VOPP1: variants seen among roughly 807,000 people sequenced by gnomAD.
VOPP1 encodes the protein WW domain binding protein VOPP1.
Under a neutral mutation model 23.5 loss-of-function variants are expected in VOPP1, and 8 were observed. That is an observed-to-expected ratio of 0.34 (90% CI 0.20 to 0.61). The LOEUF (loss-of-function observed/expected upper bound fraction) is 0.61, where lower values mean the gene tolerates loss of function less well. VOPP1 is among the 20% of genes least tolerant of loss of function. The pLI, the probability that VOPP1 is intolerant of heterozygous loss-of-function variation, is 0.78. For missense variants in VOPP1, 174 were observed against 238.1 expected (o/e 0.73, Z 1.77); for synonymous variants, 83 against 97.3 (o/e 0.85, Z 0.86).
chr7:55,468,370 C>T (rs1178344939), downstream of VOPP1, among the ~76,000 whole-genome samples: 2 of 148,468 alleles, frequency 1.3e-5, no homozygotes, highest in Non-Finnish European at 3.0e-5. Flanking sequence ...GCCCACAGCT[C>T]CCTCTTCCCC....
At chr7:55,485,071 G>C (rs1041415637) in intron 4 of VOPP1, among the ~76,000 whole-genome samples, 3 of 152,130 alleles carry the variant, frequency 2.0e-5, no homozygotes, top group African/African-American at 7.2e-5. Flanking sequence ...TGTTTTTTTA[G>C]GATTAGCCCT....
chr7:55,521,311 T>G (rs2129041527), intron 1 of VOPP1, among the ~76,000 whole-genome samples, 181 bp from the exon 2 acceptor site: 1 of 152,358 alleles, frequency 6.6e-6, no homozygotes, highest in African/African-American at 2.4e-5. Flanking sequence ...TTCTATTTCT[T>G]TAAAACATCT....
intron 1 of VOPP1, among the ~76,000 whole-genome samples, chr7:55,551,766 G>A (rs903959246): frequency 5.9e-5 from 9 of 152,082 alleles, no homozygotes; most frequent in African/African-American, 7.2e-5. Context: ...AAGGCTGGGC[G>A]GGGTGGCTCA....
chr7:55,505,198 C>T (rs1037804783), intron 2 of VOPP1, among the ~76,000 whole-genome samples: 1 of 152,192 alleles, frequency 6.6e-6, no homozygotes, highest in Non-Finnish European at 1.5e-5. Flanking sequence ...TTTGCTCCTC[C>T]TCTCTGTGAC....
At chr7:55,447,670 C>T (rs815945) in intron 4 of VOPP1, among the ~76,000 whole-genome samples, 49,099 of 152,032 alleles carry the variant, frequency 0.32, 8,529 homozygotes, top group East Asian at 0.54. Flanking sequence ...TATAAATATA[C>T]GTGTACATAT....
At chr7:55,441,749 C>T (rs974142670) in intron 4 of VOPP1, among the ~76,000 whole-genome samples, 29 of 152,172 alleles carry the variant, frequency 1.9e-4, no homozygotes, top group Admixed American at 1.8e-3. Flanking sequence ...TTCTTTCTGC[C>T]AGACCTGCCC....
At chr7:55,512,594 C>T (rs1356517950) in intron 2 of VOPP1, among the ~76,000 whole-genome samples, 1 of 152,188 alleles carries the variant, frequency 6.6e-6, no homozygotes, top group African/African-American at 2.4e-5. Context: ...AGAAATTCTG[C>T]TCTTGAATAT....
At position 55,572,409 on chromosome 7, in the gene VOPP1, A is replaced by G. The variant is rs927075173; in HGVS notation, c.-85T>C. 141 of 1,008,300 alleles carry G rather than the reference A, an allele frequency of 1.4e-4. 1 individual carries two copies. In the African/African-American group the frequency reaches 2.2e-3, roughly 16 times the overall value. The allele number at this position is 1,008,300 out of a possible 1,614,324, so 62.5% of individuals were successfully genotyped here. ...CGGCCCCCGCGCGGGGCGGGCGGGC[A>G]GACTGCAGCCGGGAGCCGTCCCGCC... On this transcript the variant is annotated 5_prime_UTR_variant, in exon 1 of 5. Transcript: ENST00000285279.
chr7:55,503,246 T>A (rs1481053547), intron 2 of VOPP1, among the ~76,000 whole-genome samples: 3 of 152,204 alleles, frequency 2.0e-5, no homozygotes, highest in African/African-American at 7.2e-5. Context: ...AAAGGAAATG[T>A]ATGTCTGAGA....
At chr7:55,448,833 C>T (rs1464231008) in intron 4 of VOPP1, among the ~76,000 whole-genome samples, 1 of 152,270 alleles carries the variant, frequency 6.6e-6, no homozygotes, top group Non-Finnish European at 1.5e-5. Context: ...ATTGCCACCG[C>T]AGCCACGCGC....
rs1791974549 is a variant in VOPP1 at position 55,473,239 on chromosome 7, C to T, written c.329-194G>A. On this transcript the variant is annotated intron_variant, in intron 4 of 4. Coordinates refer to ENST00000285279, the MANE Select transcript of VOPP1 (RefSeq NM_030796.5). ...CACAATAGGCAGGTCCCTGCCCTCTCGGGGCTTTGATTCTACTGGACTACA... is the reference window on the plus strand; with the variant it reads ...CACAATAGGCAGGTCCCTGCCCTCTTGGGGCTTTGATTCTACTGGACTACA... 1.3e-5 allele frequency among the ~76,000 whole-genome samples: 2 copies of T among 152,292 alleles called. 1 individual carries two copies. Among genetic ancestry groups the T allele is most frequent in the Middle Eastern group, 6.8e-3 (2 of 294 alleles).
chr7:55,566,064 G>A (rs1337271971), intron 1 of VOPP1, among the ~76,000 whole-genome samples: 1 of 152,168 alleles, frequency 6.6e-6, no homozygotes, highest in Non-Finnish European at 1.5e-5. Context: ...AGGTGCAGCA[G>A]CTCATGAAGC....
intron 1 of VOPP1, among the ~76,000 whole-genome samples, chr7:55,548,382 G>A (rs76476993): frequency 0.013 from 1,912 of 152,320 alleles, 19 homozygotes; most frequent in Non-Finnish European, 0.019. Flanking sequence ...GTGGCTGACC[G>A]CCTGGTCCTC....
At position 55,521,113 on chromosome 7, in the gene VOPP1, C is replaced by T. The variant is rs763222301; in HGVS notation, c.72G>A (p.Lys24=). The T allele has an allele frequency of 6.3e-7, 1 of 1,582,180 alleles. No individual in the cohort carries two copies. The highest frequency in any genetic ancestry group is 1.2e-5 in the South Asian group (1 of 86,240). Residue 24 remains lysine (K), a synonymous_variant, in exon 2 of 5, where the codon AAG becomes AAA. Transcript: ENST00000285279. ...GLLLECTEAK[K]HCWYFEGLYP... is the part of the protein sequence containing the mutation. Reference sequence around the variant, plus strand: ...AGAGTCCTTCGAAATACCAGCAATGCTTTTTGGCTTCTGTGCACTGCAAAT... The same window carrying T: ...AGAGTCCTTCGAAATACCAGCAATGTTTTTTGGCTTCTGTGCACTGCAAAT...
intron 1 of VOPP1, among the ~76,000 whole-genome samples, chr7:55,536,664 G>A (rs1006765019): frequency 6.6e-6 from 1 of 152,092 alleles, no homozygotes; most frequent in African/African-American, 2.4e-5. Context: ...AGAGAATGAG[G>A]GCAGAGCACA....
At chr7:55,445,494 T>A (rs560959399) in intron 4 of VOPP1, among the ~76,000 whole-genome samples, 1 of 152,354 alleles carries the variant, frequency 6.6e-6, no homozygotes, top group Non-Finnish European at 1.5e-5. Flanking sequence ...CAATTGACTT[T>A]GAGGTCTGTA....
intron 4 of VOPP1, among the ~76,000 whole-genome samples, chr7:55,489,760 C>T (rs1414555983): frequency 6.6e-6 from 1 of 152,142 alleles, no homozygotes; most frequent in Non-Finnish European, 1.5e-5. Flanking sequence ...TCCCACAGTT[C>T]ATCCAGCCTG....
At chr7:55,456,633 G>A (rs1181372992) in intron 4 of VOPP1, among the ~76,000 whole-genome samples, 1 of 152,196 alleles carries the variant, frequency 6.6e-6, no homozygotes, top group East Asian at 1.9e-4. Context: ...AAAAGGATGA[G>A]TTCATGTCCT....
chr7:55,514,675 C>G (rs764235240), intron 2 of VOPP1, among the ~76,000 whole-genome samples: 1 of 152,172 alleles, frequency 6.6e-6, no homozygotes, highest in Non-Finnish European at 1.5e-5. Flanking sequence ...GAGCATGGTA[C>G]CCATGCACCA....
Sources: gnomAD v4.1 joint callset for allele counts (sites outside exome capture counted in the v4.1 genomes callset) on GRCh38, gnomAD v4.1.1 for gene constraint, MANE v1.5 for transcripts, NCBI Gene and HGNC (gene_info 2026-07-23, HGNC 2026-07-21) for gene names.